Variants in METAP2 observed in about 807,000 individuals in gnomAD.
METAP2 encodes the protein methionine aminopeptidase 2.
Under a neutral mutation model 59.4 loss-of-function variants are expected in METAP2, and 25 were observed. The observed-to-expected ratio is 0.42, with a 90% CI of 0.31 to 0.59. METAP2 has a LOEUF of 0.59. Ranked by LOEUF, METAP2 falls within the 20% of genes least tolerant of loss-of-function variation. The probability of loss-of-function intolerance (pLI) is 0.16; values close to 1 mark genes in which losing one functional copy is unlikely to be tolerated. For synonymous variants in METAP2, 214 were observed against 194.1 expected, an observed-to-expected ratio of 1.10 and a Z score of -0.85; for missense variants, 366 against 581.2, an observed-to-expected ratio of 0.63 and a Z score of 3.81.
At position 95,514,890 on chromosome 12, in the gene METAP2, T is replaced by TA. The variant is rs142888341; in HGVS notation, c.*986_*987insA. On this transcript the variant is annotated 3_prime_UTR_variant, in exon 11 of 11. Transcript: ENST00000323666. ...ACCTTCCCCTTTGACAGGTTTGGAT[T>TA]CTTAACATTACTAGTGGTATTTCAG... 12,025 of 152,474 alleles carry TA rather than the reference T, an allele frequency of 0.079. 654 individuals carry two copies. Among genetic ancestry groups the TA allele is most frequent in the Non-Finnish European group, 0.12 (8,020 of 68,010 alleles). 9.4% of individuals were successfully genotyped at this position (152,474 alleles called of 1,614,324 possible).
chr12:95,506,656 T>C (rs1421713155), intron 8 of METAP2, among the ~76,000 whole-genome samples: 3 of 152,148 alleles, frequency 2.0e-5, no homozygotes, highest in Non-Finnish European at 4.4e-5. Context: ...CAAGGTTTCA[T>C]TTCCCTTCCT....
chr12:95,476,161 GAGATGA>G lies in METAP2; in HGVS notation c.249_254del (p.Glu83_Asp84del). On this transcript the variant is annotated inframe_deletion, in exon 2 of 11. Coordinates refer to ENST00000323666, the MANE Select transcript of METAP2 (RefSeq NM_006838.4). ...AGATCAGCATTGGAAGATAAAGAAA[GAGATGA>G]AGATGATGAAGGTAAATGGTTAATT... 6.2e-7 allele frequency: 1 copy of G among 1,603,816 alleles called. No homozygotes were observed. The highest frequency in any genetic ancestry group is 1.3e-5 in the African/African-American group (1 of 74,712).
At chr12:95,476,203 G>T in intron 2 of METAP2, 25 bp downstream of exon 2, 1 of 1,491,916 alleles carries the variant, frequency 6.7e-7, no homozygotes. Context: ...TGATCTTTGT[G>T]GTTAGAAAAG....
chr12:95,499,774 A>G (rs1463049329), intron 7 of METAP2, among the ~76,000 whole-genome samples: 1 of 152,166 alleles, frequency 6.6e-6, no homozygotes, highest in Non-Finnish European at 1.5e-5. Context: ...TTAATTATCC[A>G]CAGTTCCACA....
At chr12:95,507,566 A>C (rs887138908) in intron 8 of METAP2, among the ~76,000 whole-genome samples, 2 of 152,154 alleles carry the variant, frequency 1.3e-5, no homozygotes, top group Non-Finnish European at 2.9e-5. Context: ...TCTATACAGT[A>C]TTTTCTTTAA....
At chr12:95,489,511 T>C (rs573531312) in intron 4 of METAP2, among the ~76,000 whole-genome samples, 3 of 152,352 alleles carry the variant, frequency 2.0e-5, no homozygotes, top group African/African-American at 7.2e-5. Flanking sequence ...ATATAACCAG[T>C]TTTGACTATT....
At position 95,514,415 on chromosome 12, in the gene METAP2, A is replaced by G. The variant is rs201191213; in HGVS notation, c.*511A>G. 1 of 152,846 alleles carries G rather than the reference A, an allele frequency of 6.5e-6. No individual in the cohort carries two copies. The highest frequency in any genetic ancestry group is 1.5e-5 in the Non-Finnish European group (1 of 68,264). The allele number at this position is 152,846 out of a possible 1,614,324, so 9.5% of individuals were successfully genotyped here. On this transcript the variant is annotated 3_prime_UTR_variant, in exon 11 of 11. Transcript: ENST00000323666. The stretch of plus-strand genomic sequence containing the variant: ...AGCTAAACTTAATGTAGGCAAATGC[A>G]GAGACATTTATCTGAAATGTAGACC...
intron 7 of METAP2, among the ~76,000 whole-genome samples, chr12:95,500,407 T>C (rs2076306734): frequency 6.6e-6 from 1 of 152,226 alleles, no homozygotes; most frequent in Admixed American, 6.5e-5. Context: ...CTTGCCTGAT[T>C]GTTCTGACCT....
At chr12:95,511,375 T>G (rs1203663060) in intron 8 of METAP2, among the ~76,000 whole-genome samples, 2 of 130,564 alleles carry the variant, frequency 1.5e-5, no homozygotes, top group Non-Finnish European at 3.2e-5. Context: ...TCTTCCATCC[T>G]CCCTTCTAGC....
Position 95,483,056 on chromosome 12 carries a change from C to T in METAP2, c.260-159C>T, listed in dbSNP as rs575173840. 1.4e-4 allele frequency among the ~76,000 whole-genome samples: 21 copies of T among 152,258 alleles called. No homozygotes were observed. The South Asian group carries it at 1.9e-3, about 14-fold the overall frequency. ...GTGCCACCACACCTGGTAGCTGCTT[C>T]CTATTTCTTATTTCAGTGAAAGAAT... On this transcript the variant is annotated intron_variant, in intron 2 of 10. Coordinates refer to ENST00000323666, the MANE Select transcript of METAP2 (RefSeq NM_006838.4).
At chr12:95,500,590 C>T in intron 7 of METAP2, among the ~76,000 whole-genome samples, 1 of 152,150 alleles carries the variant, frequency 6.6e-6, no homozygotes, top group East Asian at 1.9e-4. Context: ...AGCCTTTCAT[C>T]ATGAAAGGGT....
At chr12:95,485,078 A>G (rs750142469) in intron 3 of METAP2, among the ~76,000 whole-genome samples, 1 of 152,248 alleles carries the variant, frequency 6.6e-6, no homozygotes, top group African/African-American at 2.4e-5. Flanking sequence ...CATAGTACAG[A>G]TTATTACAGA....
In METAP2 at chr12:95,483,197, T is replaced by G; in HGVS notation, c.260-18T>G. On this transcript the variant is annotated intron_variant, in intron 2 of 10. Transcript: ENST00000323666. ...TATGAGGTTTAAATGAACATGTACT[T>G]GAAATGTCTTTTCTTAGATGGAGAT... 2.5e-6 allele frequency: 4 copies of G among 1,600,270 alleles called. No homozygotes were observed. The highest frequency in any genetic ancestry group is 3.4e-6 in the Non-Finnish European group (4 of 1,167,394).
chr12:95,481,725 A>G (rs942154087), intron 2 of METAP2, among the ~76,000 whole-genome samples: 1 of 152,182 alleles, frequency 6.6e-6, no homozygotes, highest in African/African-American at 2.4e-5. Flanking sequence ...AGGCTAAATA[A>G]CTTGCCCAAG....
intron 2 of METAP2, among the ~76,000 whole-genome samples, chr12:95,480,607 A>G (rs2076151776): frequency 1.3e-5 from 2 of 152,202 alleles, no homozygotes; most frequent in Admixed American, 6.5e-5. Flanking sequence ...GCACTTCCCT[A>G]ATGATATTGA....
At chr12:95,512,363 C>G (rs71458596) in intron 9 of METAP2, among the ~76,000 whole-genome samples, 2 of 151,986 alleles carry the variant, frequency 1.3e-5, no homozygotes, top group Non-Finnish European at 2.9e-5. Context: ...AGATAAGGAC[C>G]GCCAGGGGCT....
rs1304884673 is a variant in METAP2 at position 95,506,804 on chromosome 12, T to TTATTTATTTATG, written c.964+2654_964+2655insGTATTTATTTAT. 4.0e-4 allele frequency among the ~76,000 whole-genome samples: 60 copies of TTATTTATTTATG among 151,312 alleles called. No individual in the cohort carries two copies. In the East Asian group the frequency reaches 9.7e-3, roughly 24 times the overall value. Reference sequence around the variant, plus strand: ...AGTGCAAAGCAGAATACTTATTTATTTATTTATTTATTTATTTATTTATTG... The same window carrying TTATTTATTTATG: ...AGTGCAAAGCAGAATACTTATTTATTTATTTATTTATGTATTTATTTATTTATTTATTTATTG... On this transcript the variant is annotated intron_variant, in intron 8 of 10. Coordinates refer to ENST00000323666, the MANE Select transcript of METAP2 (RefSeq NM_006838.4).
chr12:95,476,002 T>C, intron 1 of METAP2, 69 bp from the exon 2 acceptor site: 1 of 874,802 alleles, frequency 1.1e-6, no homozygotes, highest in Non-Finnish European at 1.8e-6. Flanking sequence ...TTTTCCAAGA[T>C]CATTAGAGCA....
intron 8 of METAP2, among the ~76,000 whole-genome samples, chr12:95,505,737 C>T (rs1282067614): frequency 1.3e-5 from 2 of 151,730 alleles, no homozygotes; most frequent in Admixed American, 6.6e-5. Flanking sequence ...TCAGGTGATC[C>T]GCCCACCTCG....
Sources: allele counts gnomAD v4.1 joint callset (sites outside exome capture counted in the v4.1 genomes callset), GRCh38; gene constraint gnomAD v4.1.1; transcripts MANE v1.5; gene names NCBI Gene and HGNC (gene_info 2026-07-23, HGNC 2026-07-21).